SIL1: variants seen among roughly 807,000 people sequenced by gnomAD.
The protein encoded by SIL1 is SIL1 nucleotide exchange factor, also known as nucleotide exchange factor SIL1.
In SIL1, 40 loss-of-function variants were observed where a neutral mutation model predicts 49.1. That is an observed-to-expected ratio of 0.81 (90% CI 0.63 to 1.06). The LOEUF is 1.06. SIL1 is among the 50% of genes least tolerant of loss of function. SIL1 has a pLI of 0.00. For synonymous variants in SIL1, 253 were observed against 250.8 expected, an observed-to-expected ratio of 1.01 and a Z score of -0.08; for missense variants, 500 against 572.6, an observed-to-expected ratio of 0.87 and a Z score of 1.29.
intron 3 of SIL1, among the ~76,000 whole-genome samples, chr5:139,119,555 G>A (rs1384687661): frequency 6.6e-6 from 1 of 152,182 alleles, no homozygotes; most frequent in Non-Finnish European, 1.5e-5. Flanking sequence ...GAGCCCAGGA[G>A]TTCGAGATTA....
intron 1 of SIL1, among the ~76,000 whole-genome samples, chr5:139,158,371 C>A (rs1751444461): frequency 6.6e-6 from 1 of 152,232 alleles, no homozygotes; most frequent in South Asian, 2.1e-4. Context: ...TCTTAGAATT[C>A]TGTCTAGAAA....
chr5:138,968,333 G>A (rs888812805), intron 7 of SIL1, among the ~76,000 whole-genome samples: 1 of 152,134 alleles, frequency 6.6e-6, no homozygotes, highest in Non-Finnish European at 1.5e-5. Flanking sequence ...CCATTCAAGA[G>A]GTCTGCTGAA....
intron 7 of SIL1, among the ~76,000 whole-genome samples, chr5:138,980,246 TAAG>T (rs57152003): frequency 0.022 from 3,312 of 152,288 alleles, 126 homozygotes; most frequent in African/African-American, 0.077. Flanking sequence ...AACAATGAAA[TAAG>T]AAGTCTGAAG....
intron 3 of SIL1, among the ~76,000 whole-genome samples, chr5:139,117,790 T>C (rs1300995869): frequency 2.0e-5 from 3 of 152,158 alleles, no homozygotes; most frequent in African/African-American, 4.8e-5. Flanking sequence ...CAGGGGCAGA[T>C]AGACTTCAGG....
intron 1 of SIL1, chr5:139,155,448 T>TGTGAGAGAGAGA (rs1464133050): frequency 7.9e-6 from 1 of 125,910 alleles, no homozygotes; most frequent in African/African-American, 2.7e-5. Context: ...GTACACAGAG[T>TGTGAGAGAGAGA]GAGAGAGAGA....
intron 7 of SIL1, among the ~76,000 whole-genome samples, chr5:139,018,791 G>A (rs1193474437): frequency 6.6e-6 from 1 of 152,096 alleles, no homozygotes; most frequent in African/African-American, 2.4e-5. Context: ...ACTGACAGGT[G>A]CTTTACAACC....
At position 138,947,503 on chromosome 5, in the gene SIL1, AG is replaced by A. The variant is rs1766662481; in HGVS notation, c.1030-31del. The A allele has an allele frequency of 6.8e-7, 1 of 1,475,862 alleles. No individual in the cohort carries two copies. The highest frequency in any genetic ancestry group is 1.4e-5 in the African/African-American group (1 of 72,114). 91.4% of individuals were successfully genotyped at this position (1,475,862 alleles called of 1,614,324 possible). A position where few individuals can be genotyped will look rare whatever the true frequency, so the allele number is the denominator to read the frequency against. The stretch of plus-strand genomic sequence containing the variant: ...CATCCGCCACAGCCGCAGGCCAGGT[AG>A]GGTGGGGGTGGGGAGAGAACACACA... On this transcript the variant is annotated intron_variant, in intron 9 of 9. Coordinates refer to ENST00000394817, the MANE Select transcript of SIL1 (RefSeq NM_022464.5). This position sits in a 1 kb window ranked among gnomAD's most constrained non-coding sequence, Gnocchi z 4.1.
intron 7 of SIL1, among the ~76,000 whole-genome samples, chr5:139,017,741 C>T (rs1013397000): frequency 1.3e-5 from 2 of 152,154 alleles, no homozygotes; most frequent in Non-Finnish European, 2.9e-5. Flanking sequence ...AACCAGATTA[C>T]AGAAGGCTGC....
chr5:139,031,376 T>G lies in SIL1; in HGVS notation c.454-4384A>C, dbSNP rs547406537. ...CCCACTATTTGCTGAAAAGACTATTTGTCTTCCATTGAACTACTTTTGCAC... is the reference window on the plus strand; with the variant it reads ...CCCACTATTTGCTGAAAAGACTATTGGTCTTCCATTGAACTACTTTTGCAC... On this transcript the variant is annotated intron_variant, in intron 5 of 9. Transcript: ENST00000394817. 7.9e-5 allele frequency among the ~76,000 whole-genome samples: 12 copies of G among 152,340 alleles called. No homozygotes were observed. In the East Asian group the frequency reaches 1.9e-3, roughly 24 times the overall value.
At chr5:139,035,527 T>C (rs1159719677) in intron 5 of SIL1, 2 of 525,686 alleles carry the variant, frequency 3.8e-6, no homozygotes, top group Non-Finnish European at 7.5e-6. Context: ...CCAACCTTTT[T>C]CGGAGACAGA....
At chr5:139,132,780 T>G (rs114841965) in intron 1 of SIL1, among the ~76,000 whole-genome samples, 7,805 of 152,188 alleles carry the variant, frequency 0.051, 665 homozygotes, top group African/African-American at 0.17. Flanking sequence ...GTGGCAGGCA[T>G]AGTTTGCCCT....
At chr5:139,046,974 A>T (rs1416834106) in intron 4 of SIL1, among the ~76,000 whole-genome samples, 2 of 152,126 alleles carry the variant, frequency 1.3e-5, no homozygotes, top group Non-Finnish European at 2.9e-5. Context: ...AGCCTTGTGG[A>T]GGCTGTTTTG....
rs550246877 is a variant in SIL1, at chr5:138,948,615, G to A, written c.1030-1142C>T. 1.2e-4 allele frequency among the ~76,000 whole-genome samples: 13 copies of A among 112,150 alleles called. No individual in the cohort carries two copies. In the East Asian group the frequency reaches 2.7e-3, roughly 23 times the overall value. 73.6% of individuals were successfully genotyped at this position (112,150 alleles called of 152,430 possible). A position where few individuals can be genotyped will look rare whatever the true frequency, so the allele number is the denominator to read the frequency against. ...CTGGGGCCTCTGGAGGCGCAGCTCC[G>A]ACTTCCAGGTGCACCCCCGCATTGG... is the stretch of plus-strand genomic sequence containing the variant. On this transcript the variant is annotated intron_variant, in intron 9 of 9. Transcript: ENST00000394817. The surrounding 1 kb of genome is among the most constrained non-coding windows in gnomAD (Gnocchi z 4.8).
intron 1 of SIL1, among the ~76,000 whole-genome samples, chr5:139,134,918 C>T (rs892400764): frequency 6.6e-6 from 1 of 152,154 alleles, no homozygotes; most frequent in African/African-American, 2.4e-5. Flanking sequence ...AACAGAAGTG[C>T]ACTACCTAAT....
chr5:138,975,712 T>TC (rs1767380717), intron 7 of SIL1, among the ~76,000 whole-genome samples: 1 of 152,180 alleles, frequency 6.6e-6, no homozygotes, highest in African/African-American at 2.4e-5. Flanking sequence ...CATCTTGCTG[T>TC]CCTATGTTGT....
chr5:139,177,647 C>G (rs1751912382), intron 1 of SIL1, among the ~76,000 whole-genome samples: 1 of 152,172 alleles, frequency 6.6e-6, no homozygotes, highest in African/African-American at 2.4e-5. Flanking sequence ...TGGGCAAGGC[C>G]ACAGTATCAC....
rs561102577 is a variant in SIL1, at chr5:139,122,091, CA to C, written c.106-919del. Among the ~76,000 whole-genome samples, 620 of 152,256 alleles carry C rather than the reference CA, an allele frequency of 4.1e-3. 6 individuals are homozygous for C. The highest frequency in any genetic ancestry group is 9.7e-3 in the African/African-American group (403 of 41,548). ...CACATTAGCACATGGGGAGGTATTT[CA>C]GCCTGCCCACCTCCCCTGTCATCGC... On this transcript the variant is annotated intron_variant, in intron 2 of 9. Coordinates refer to ENST00000394817, the MANE Select transcript of SIL1 (RefSeq NM_022464.5).
intron 6 of SIL1, chr5:139,022,405 G>A (rs1768549070): frequency 6.6e-6 from 1 of 152,190 alleles, no homozygotes; most frequent in African/African-American, 2.4e-5. Context: ...GCCTGTTGTT[G>A]CCACTTGAAA....
At chr5:138,994,869 C>T (rs1048252163) in intron 7 of SIL1, among the ~76,000 whole-genome samples, 1 of 152,152 alleles carries the variant, frequency 6.6e-6, no homozygotes, top group Non-Finnish European at 1.5e-5. Context: ...CCCCAGCCAA[C>T]CACCCCAACA....
Sources: gnomAD v4.1 joint callset for allele counts (sites outside exome capture counted in the v4.1 genomes callset) on GRCh38, gnomAD v4.1.1 for gene constraint, Gnocchi (gnomAD v3.1) non-coding constraint, MANE v1.5 for transcripts, NCBI Gene and HGNC (gene_info 2026-07-23, HGNC 2026-07-21) for gene names.